HOOK1: variants seen among roughly 807,000 people sequenced by gnomAD.
The protein encoded by HOOK1 is protein Hook homolog 1.
A neutral mutation model predicts 112.8 loss-of-function variants in HOOK1; 60 were observed. That is an observed-to-expected ratio of 0.53 (90% CI 0.43 to 0.66). The LOEUF (loss-of-function observed/expected upper bound fraction) is 0.66, where lower values mean the gene tolerates loss of function less well. Among genes scored for constraint, HOOK1 ranks in the 30% least tolerant of loss-of-function variants. The pLI is 0.00. For missense variants in HOOK1, 770 were observed against 856.0 expected (o/e 0.90, Z 1.25); for synonymous variants, 294 against 283.8 (o/e 1.04, Z -0.36).
At chr1:59,859,336 A>C (rs2102063605) in intron 14 of HOOK1, among the ~76,000 whole-genome samples, 1 of 152,264 alleles carries the variant, frequency 6.6e-6, no homozygotes, top group East Asian at 1.9e-4. Flanking sequence ...TTAAGTATAT[A>C]CTTTAAAGTT....
Position 59,874,523 on chromosome 1 carries a change from C to CAAAG in HOOK1, c.*1560_*1563dup, listed in dbSNP as rs1325399202. On this transcript the variant is annotated 3_prime_UTR_variant, in exon 22 of 22. Transcript: ENST00000371208. ...GGTCTGCAAACTTTCTGTGAATGGACAAAGAGTAAATACTTTAGTAAATGT... is the reference window on the plus strand; with the variant it reads ...GGTCTGCAAACTTTCTGTGAATGGACAAAGAAAGAGTAAATACTTTAGTAAATGT... 1.3e-5 allele frequency: 2 copies of CAAAG among 152,132 alleles called. No homozygotes were observed. The highest frequency in any genetic ancestry group is 1.3e-4 in the Admixed American group (2 of 15,274). 9.4% of individuals were successfully genotyped at this position (152,132 alleles called of 1,614,324 possible).
intron 8 of HOOK1, among the ~76,000 whole-genome samples, chr1:59,842,279 C>T (rs2098401426): frequency 6.6e-6 from 1 of 152,066 alleles, no homozygotes; most frequent in Non-Finnish European, 1.5e-5. Flanking sequence ...ACATCTTTTA[C>T]ATAATTGTTT....
At position 59,872,009 on chromosome 1, in the gene HOOK1, T is replaced by A. The variant is rs142291241; in HGVS notation, c.2017-786T>A. Among the ~76,000 whole-genome samples, 1,414 of 152,336 alleles carry A rather than the reference T, an allele frequency of 9.3e-3. 12 individuals carry two copies. Among genetic ancestry groups the A allele is most frequent in the Middle Eastern group, 0.024 (7 of 294 alleles). On this transcript the variant is annotated intron_variant, in intron 21 of 21. Transcript: ENST00000371208. ...GAGATCAGTGACTGTGTATTATTTA[T>A]TTGTTCTTCCATGACCTCTTGATAC...
Position 59,821,727 on chromosome 1 carries a change from C to T in HOOK1, c.64-131C>T, listed in dbSNP as rs1574172093. On this transcript the variant is annotated intron_variant, in intron 1 of 21. Coordinates refer to ENST00000371208, the MANE Select transcript of HOOK1 (RefSeq NM_015888.6). ...AGTTCCATTTGTTTGTCTGGGTCTA[C>T]ATTTAAACAAAACAGGACCATGTTT... 13 of 606,466 alleles carry T rather than the reference C, an allele frequency of 2.1e-5. No individual in the cohort carries two copies. In the East Asian group the frequency reaches 4.0e-4, roughly 19 times the overall value. 37.6% of individuals were successfully genotyped at this position (606,466 alleles called of 1,614,324 possible). A position where few individuals can be genotyped will look rare whatever the true frequency, so the allele number is the denominator to read the frequency against.
chr1:59,871,573 G>T (rs933441433), intron 21 of HOOK1, among the ~76,000 whole-genome samples: 2 of 151,880 alleles, frequency 1.3e-5, no homozygotes, highest in Non-Finnish European at 2.9e-5. Context: ...TTATCCAGGG[G>T]TTACTCTTCC....
intron 2 of HOOK1, among the ~76,000 whole-genome samples, chr1:59,823,739 T>A (rs925145332): frequency 1.4e-4 from 22 of 152,238 alleles, no homozygotes; most frequent in African/African-American, 5.3e-4. Context: ...GTCAGTAAAT[T>A]TTAGCTAATT....
At chr1:59,843,623 T>G (rs1423915256) in intron 9 of HOOK1, 25 bp downstream of exon 9, 1 of 1,575,044 alleles carries the variant, frequency 6.3e-7, no homozygotes, top group East Asian at 2.3e-5. Context: ...GGAAATCATT[T>G]TATGGAGTTC....
chr1:59,866,550 A>G (rs1244636348), intron 19 of HOOK1, among the ~76,000 whole-genome samples: 5 of 152,170 alleles, frequency 3.3e-5, no homozygotes, highest in Admixed American at 6.5e-5. Context: ...CTAAGCTGAC[A>G]GAGGCTCTGC....
At chr1:59,853,133 G>A (rs1453347388) in intron 12 of HOOK1, among the ~76,000 whole-genome samples, 1 of 151,930 alleles carries the variant, frequency 6.6e-6, no homozygotes, top group Admixed American at 6.6e-5. Flanking sequence ...ATGTCAGTTA[G>A]GTCTAGTTGG....
chr1:59,870,327 A>T (rs1156354100), intron 20 of HOOK1, among the ~76,000 whole-genome samples: 1 of 152,246 alleles, frequency 6.6e-6, no homozygotes, highest in African/African-American at 2.4e-5. Context: ...GCAAAAAGTA[A>T]AAAGGAGAAA....
At chr1:59,827,899 T>G (rs1193515710) in intron 2 of HOOK1, among the ~76,000 whole-genome samples, 1 of 152,188 alleles carries the variant, frequency 6.6e-6, no homozygotes, top group African/African-American at 2.4e-5. Flanking sequence ...AGAATTTAGA[T>G]GAGACCTTTA....
intron 1 of HOOK1, among the ~76,000 whole-genome samples, chr1:59,820,076 T>C (rs2098384468): frequency 6.6e-6 from 1 of 152,214 alleles, no homozygotes; most frequent in Admixed American, 6.5e-5. Flanking sequence ...CTCTTCCTTA[T>C]TACTTTTCAG....
At position 59,868,361 on chromosome 1, in the gene HOOK1, T is replaced by C. The variant is rs553228280; in HGVS notation, c.1947+10T>C. Reference sequence around the variant, plus strand: ...AATTGAGATTCTGGAGGTAAAACTTTTATATTTACTCATCTTTTAGTTATT... The same window carrying C: ...AATTGAGATTCTGGAGGTAAAACTTCTATATTTACTCATCTTTTAGTTATT... On this transcript the variant is annotated intron_variant, in intron 20 of 21. Coordinates refer to ENST00000371208, the MANE Select transcript of HOOK1 (RefSeq NM_015888.6). 6 of 1,399,968 alleles carry C rather than the reference T, an allele frequency of 4.3e-6. No homozygotes were observed. The South Asian group carries it at 7.0e-5, about 16-fold the overall frequency. 86.7% of individuals were successfully genotyped at this position (1,399,968 alleles called of 1,614,324 possible).
intron 1 of HOOK1, among the ~76,000 whole-genome samples, chr1:59,818,032 G>GT (rs755442478): frequency 6.6e-5 from 10 of 152,150 alleles, no homozygotes; most frequent in Admixed American, 1.3e-4. Flanking sequence ...ATATAGCTTA[G>GT]TTTTTTATAA....
intron 19 of HOOK1, 44 bp downstream of exon 19, chr1:59,866,016 T>C: frequency 9.4e-7 from 1 of 1,061,094 alleles, no homozygotes. Flanking sequence ...GTGGCCTGTG[T>C]TTTAGCAAGG....
chr1:59,856,887 C>T (rs892162371), intron 12 of HOOK1, among the ~76,000 whole-genome samples: 1 of 152,140 alleles, frequency 6.6e-6, no homozygotes, highest in Non-Finnish European at 1.5e-5. Context: ...CGGGCCCTCT[C>T]ATGTCTTTTC....
chr1:59,830,259 G>C (rs1448266888), intron 3 of HOOK1, among the ~76,000 whole-genome samples: 2 of 152,022 alleles, frequency 1.3e-5, no homozygotes, highest in South Asian at 4.2e-4. Flanking sequence ...ATTATACTAT[G>C]TGTATAGTGT....
At chr1:59,867,902 TC>T (rs1643995404) in intron 19 of HOOK1, among the ~76,000 whole-genome samples, 1 of 152,264 alleles carries the variant, frequency 6.6e-6, no homozygotes, top group African/African-American at 2.4e-5. Flanking sequence ...TTTTAAAAAT[TC>T]TCAAGTCAAA....
chr1:59,825,813 TATAG>T (rs2098389442), intron 2 of HOOK1, among the ~76,000 whole-genome samples: 1 of 152,156 alleles, frequency 6.6e-6, no homozygotes, highest in Non-Finnish European at 1.5e-5. Flanking sequence ...GTGTATAAAG[TATAG>T]ATAGATGTCC....
Sources: gnomAD v4.1 joint callset for allele counts (sites outside exome capture counted in the v4.1 genomes callset) on GRCh38, gnomAD v4.1.1 for gene constraint, MANE v1.5 for transcripts, NCBI Gene and HGNC (gene_info 2026-07-23, HGNC 2026-07-21) for gene names.